CPD: variants seen among roughly 807,000 people sequenced by gnomAD.
The protein encoded by CPD is carboxypeptidase D.
Under a neutral mutation model 138.3 loss-of-function variants are expected in CPD, and 69 were observed. The ratio of observed to expected loss-of-function variants is 0.50; its 90% CI spans 0.41 to 0.61. CPD has a LOEUF of 0.61. Among genes scored for constraint, CPD ranks in the 20% least tolerant of loss-of-function variants. The pLI is 0.00. For missense variants in CPD, 1,432 were observed against 1,733.3 expected (o/e 0.83, Z 3.09); for synonymous variants, 651 against 642.1 (o/e 1.01, Z -0.21).
intron 2 of CPD, among the ~76,000 whole-genome samples, chr17:30,395,854 A>C (rs943835174): frequency 6.6e-6 from 1 of 152,178 alleles, no homozygotes; most frequent in African/African-American, 2.4e-5. Flanking sequence ...TATCATTAGC[A>C]AATATATATT....
chr17:30,446,094 G>A (rs1913023253), intron 12 of CPD, 74 bp downstream of exon 12: 2 of 1,003,066 alleles, frequency 2.0e-6, no homozygotes, highest in Non-Finnish European at 2.9e-6. Context: ...TTGAATAGTT[G>A]TAATTTATAT....
rs1478744415 is a variant in CPD at position 30,464,958 on chromosome 17, A to C, written c.*144A>C. On this transcript the variant is annotated 3_prime_UTR_variant, in exon 21 of 21. Transcript: ENST00000225719. ...AATTGCTAAATTTGTATTCTCTGTG[A>C]ATTTCACTGGCAGTTTTGAACTTCC... The C allele has an allele frequency of 1.5e-6, 1 of 671,620 alleles. No homozygotes were observed. The highest frequency in any genetic ancestry group is 1.8e-5 in the African/African-American group (1 of 55,126). The allele number at this position is 671,620 out of a possible 1,614,324, so 41.6% of individuals were successfully genotyped here.
In CPD at chr17:30,442,361, G is replaced by A; in HGVS notation, c.2284G>A (p.Glu762Lys). ...AACAAATTGCTTTGAAGTGACTATT[G>A]AACTAGGTTGTGTGAAATATCCACT... The part of the protein sequence containing the change: ...LQTNCFEVTI[E>K]LGCVKYPLEK... Residue 762 changes from glutamate (E) to lysine (K), a missense_variant, in exon 10 of 21, where the codon GAA becomes AAA. By Grantham distance (56) the Glu-to-Lys change is moderately conservative (BLOSUM62 1). Around this residue, in one of 6 missense-constraint regions of CPD, gnomAD observed 297 missense variants for 405.3 expected, o/e 0.73. Coordinates refer to ENST00000225719, the MANE Select transcript of CPD (RefSeq NM_001304.5). 3.1e-6 allele frequency: 5 copies of A among 1,613,278 alleles called. No individual in the cohort carries two copies. The highest frequency in any genetic ancestry group is 4.2e-6 in the Non-Finnish European group (5 of 1,179,444).
rs1454659306 is a variant in CPD at position 30,422,834 on chromosome 17, T to A, written c.1468T>A (p.Ser490Thr). The A allele has an allele frequency of 6.2e-7, 1 of 1,614,112 alleles. No homozygotes were observed. Among genetic ancestry groups the A allele is most frequent in the Non-Finnish European group, 8.5e-7 (1 of 1,179,970 alleles). The change falls in exon 5 of 21, where the codon TCA (serine) becomes ACA (threonine). Residue 490 changes from serine to threonine, a missense_variant. Ser to Thr is a moderately conservative substitution (Grantham distance 58). Transcript: ENST00000225719. ...TATACCTAATATTCTTTCTGGAACA[T>A]CATCCTCCTACCAGCCAATTCAGCC... Reference protein sequence around the residue: ...VAIPNILSGTSSSYQPIQPKD... With the variant: ...VAIPNILSGTTSSYQPIQPKD...
chr17:30,400,720 C>T (rs1037845631), intron 2 of CPD, among the ~76,000 whole-genome samples: 5 of 125,492 alleles, frequency 4.0e-5, no homozygotes, highest in Non-Finnish European at 6.2e-5. Flanking sequence ...GTGCATGGCG[C>T]GATCTCAGCT....
chr17:30,385,177 A>G lies in CPD; in HGVS notation c.935A>G (p.Asp312Gly), dbSNP rs1358545438. The part of the protein sequence containing the change: ...MKTGEPHCPG[D>G]EDETFKDGIT... Reference sequence around the variant, plus strand: ...ACTGGTGAGCCTCATTGTCCAGGAGATGAAGACGAGACTTTCAAAGATGGA... The same window carrying G: ...ACTGGTGAGCCTCATTGTCCAGGAGGTGAAGACGAGACTTTCAAAGATGGA... Residue 312 changes from aspartate (D) to glycine (G), a missense_variant, in exon 2 of 21, where the codon GAT becomes GGT. Around this residue, in one of 6 missense-constraint regions of CPD, gnomAD observed 484 missense variants for 477.2 expected, o/e 1.01. Transcript: ENST00000225719. The G allele has an allele frequency of 5.6e-6, 9 of 1,613,936 alleles. No homozygotes were observed. The highest frequency in any genetic ancestry group is 7.6e-6 in the Non-Finnish European group (9 of 1,179,960).
rs369470432 is a variant in CPD, at chr17:30,421,720, G to C, written c.1194G>C (p.Glu398Asp). Reference sequence around the variant, plus strand: ...ATTCCATAACAGGATCTGGGTTAGAGAATGCAACCATCTCAGTGGCTGGTA... The same window carrying C: ...ATTCCATAACAGGATCTGGGTTAGACAATGCAACCATCTCAGTGGCTGGTA... ...VKDSITGSGL[E>D]NATISVAGIN... is the part of the protein sequence containing the mutation. Residue 398 changes from glutamate to aspartate, a missense_variant, in exon 4 of 21, where the codon GAG becomes GAC. Coordinates refer to ENST00000225719, the MANE Select transcript of CPD (RefSeq NM_001304.5). 12 of 1,613,776 alleles carry C rather than the reference G, an allele frequency of 7.4e-6. No individual in the cohort carries two copies. Among genetic ancestry groups the C allele is most frequent in the Non-Finnish European group, 1.0e-5 (12 of 1,179,726 alleles).
At chr17:30,424,231 G>A (rs889392021) in intron 6 of CPD, among the ~76,000 whole-genome samples, 2 of 152,228 alleles carry the variant, frequency 1.3e-5, no homozygotes, top group Non-Finnish European at 2.9e-5. Flanking sequence ...AGGAATGTCT[G>A]GGTTAGGATA....
In CPD at chr17:30,428,271, A is replaced by G. The variant is rs150811087; in HGVS notation, c.2017+713A>G. On this transcript the variant is annotated intron_variant, in intron 7 of 20. Coordinates refer to ENST00000225719, the MANE Select transcript of CPD (RefSeq NM_001304.5). ...ACAATGTCCAACTAAGGTTGCGAAT[A>G]AGAGTGAAGATATCAGTACCCAAGA... 2.7e-3 allele frequency among the ~76,000 whole-genome samples: 414 copies of G among 152,332 alleles called. 3 individuals carry two copies. Among genetic ancestry groups the G allele is most frequent in the Middle Eastern group, 0.017 (5 of 294 alleles).
intron 2 of CPD, among the ~76,000 whole-genome samples, chr17:30,420,435 C>T (rs1012499173): frequency 1.1e-4 from 16 of 152,242 alleles, no homozygotes; most frequent in African/African-American, 3.9e-4. Context: ...CCCTACTTTT[C>T]ATATCTGTAA....
chr17:30,385,333 A>G (rs1911155435), intron 2 of CPD, 97 bp downstream of exon 2: 3 of 1,392,896 alleles, frequency 2.2e-6, no homozygotes, highest in Admixed American at 4.6e-5. Flanking sequence ...GTAGAAATCT[A>G]ACTTTAAAAG....
At chr17:30,443,662 T>C (rs1912939504) in intron 10 of CPD, 140 bp from the exon 11 acceptor site, 2 of 743,040 alleles carry the variant, frequency 2.7e-6, no homozygotes, top group Non-Finnish European at 4.1e-6. Context: ...AACATTTACA[T>C]TGAACTTTAC....
rs1912798569 is a variant in CPD, at chr17:30,439,473, A to G, written c.2230+396A>G. 2.3e-5 allele frequency among the ~76,000 whole-genome samples: 3 copies of G among 128,022 alleles called. No individual in the cohort carries two copies. The South Asian group carries it at 7.5e-4, about 32-fold the overall frequency. The allele number at this position is 128,022 out of a possible 152,430, so 84.0% of individuals were successfully genotyped here. A position where few individuals can be genotyped will look rare whatever the true frequency, so the allele number is the denominator to read the frequency against. Reference sequence around the variant, plus strand: ...TGCACATTGTGCAGGTTAGTTACATATGTATACATGTGCCATGCTGGTGCG... The same window carrying G: ...TGCACATTGTGCAGGTTAGTTACATGTGTATACATGTGCCATGCTGGTGCG... On this transcript the variant is annotated intron_variant, in intron 9 of 20. Coordinates refer to ENST00000225719, the MANE Select transcript of CPD (RefSeq NM_001304.5).
At chr17:30,390,181 A>G (rs1419531436) in intron 2 of CPD, among the ~76,000 whole-genome samples, 1 of 151,828 alleles carries the variant, frequency 6.6e-6, no homozygotes, top group Non-Finnish European at 1.5e-5. Context: ...CATGCTGGCT[A>G]ATTTTTTGTA....
At chr17:30,382,398 A>G (rs529217679) in intron 1 of CPD, among the ~76,000 whole-genome samples, 22 of 152,320 alleles carry the variant, frequency 1.4e-4, no homozygotes, top group African/African-American at 5.3e-4. Flanking sequence ...GTCAAGTATG[A>G]GAAACATTTC....
In CPD at chr17:30,461,140, A is replaced by T. The variant is rs1913461076; in HGVS notation, c.3499-40A>T. Reference sequence around the variant, plus strand: ...CAAAGCCTTATTCTTTCTTTTACTTATTAATTTTCCCACATTTGATTTTGA... The same window carrying T: ...CAAAGCCTTATTCTTTCTTTTACTTTTTAATTTTCCCACATTTGATTTTGA... On this transcript the variant is annotated intron_variant, in intron 17 of 20. Coordinates refer to ENST00000225719, the MANE Select transcript of CPD (RefSeq NM_001304.5). 5 of 1,502,236 alleles carry T rather than the reference A, an allele frequency of 3.3e-6. No individual in the cohort carries two copies. The Admixed American group carries it at 8.4e-5, about 25-fold the overall frequency. The allele number at this position is 1,502,236 out of a possible 1,614,324, so 93.1% of individuals were successfully genotyped here. A position where few individuals can be genotyped will look rare whatever the true frequency, so the allele number is the denominator to read the frequency against.
chr17:30,390,935 T>C (rs1911339005), intron 2 of CPD, among the ~76,000 whole-genome samples: 1 of 151,660 alleles, frequency 6.6e-6, no homozygotes, highest in South Asian at 2.1e-4. Flanking sequence ...GTTCAAGCGA[T>C]TCTAGTGCCT....
intron 2 of CPD, among the ~76,000 whole-genome samples, chr17:30,398,528 T>C (rs911356122): frequency 1.3e-5 from 2 of 152,184 alleles, no homozygotes; most frequent in African/African-American, 2.4e-5. Flanking sequence ...GCAGCTGTTA[T>C]TAATGTCAGG....
chr17:30,404,541 T>TTC (rs1354667188), intron 2 of CPD, among the ~76,000 whole-genome samples: 1 of 152,112 alleles, frequency 6.6e-6, no homozygotes, highest in Non-Finnish European at 1.5e-5. Flanking sequence ...TTGCTTCCAG[T>TTC]TTTATGCTCT....
Sources: allele counts gnomAD v4.1 joint callset (sites outside exome capture counted in the v4.1 genomes callset), GRCh38; gene constraint gnomAD v4.1.1; regional missense constraint gnomAD v4.1.1; transcripts MANE v1.5; gene names NCBI Gene and HGNC (gene_info 2026-07-23, HGNC 2026-07-21).